The following DNM2 variants were observed in gnomAD, a reference collection of about 807,000 sequenced individuals.
DNM2 encodes dynamin-2.
DNM2 carries 15 observed loss-of-function variants against 99.0 expected under a neutral mutation model. That is an observed-to-expected ratio of 0.15 (90% confidence interval 0.10 to 0.23). DNM2 has a LOEUF of 0.23. Among genes scored for constraint, DNM2 ranks in the 10% least tolerant of loss-of-function variants. DNM2 has a pLI of 1.00. For synonymous variants in DNM2, 525 were observed against 481.2 expected (o/e 1.09, Z -1.19); for missense variants, 742 against 1,189.4 (o/e 0.62, Z 5.53).
chr19:10,776,438 G>A (rs569617831), intron 4 of DNM2, among the ~76,000 whole-genome samples: 1 of 152,144 alleles, frequency 6.6e-6, no homozygotes, highest in Non-Finnish European at 1.5e-5. Context: ...GGGGCCCCAG[G>A]GAGGGCACAG....
rs2146021269 is a variant in DNM2, at chr19:10,795,074, GC to G, written c.1129-295del. Among the ~76,000 whole-genome samples, 1 of 152,014 alleles carries G rather than the reference GC, an allele frequency of 6.6e-6. No homozygotes were observed. The highest frequency in any genetic ancestry group is 2.1e-4 in the South Asian group (1 of 4,806). ...TAGCTGGGACTATAGGCGTGCACCAGCCCACCTGGCCAATTTTTGTATTTTT... is the reference window on the plus strand; with the variant it reads ...TAGCTGGGACTATAGGCGTGCACCAGCCACCTGGCCAATTTTTGTATTTTT... On this transcript the variant is annotated intron_variant, in intron 8 of 20. Transcript: ENST00000389253. This position sits in a 1 kb window ranked among gnomAD's most constrained non-coding sequence, Gnocchi z 4.2.
intron 11 of DNM2, among the ~76,000 whole-genome samples, chr19:10,801,907 A>AG (rs2072158430): frequency 7.3e-6 from 1 of 137,478 alleles, no homozygotes; most frequent in African/African-American, 2.6e-5. Flanking sequence ...TCCGTCTCGA[A>AG]GAAAAAAAAA....
chr19:10,724,469 G>A (rs1157908141), intron 1 of DNM2, among the ~76,000 whole-genome samples: 3 of 152,160 alleles, frequency 2.0e-5, no homozygotes, highest in Non-Finnish European at 2.9e-5. Flanking sequence ...GAGCCACTGC[G>A]CCTGGCCAGA....
chr19:10,827,293 A>G (rs2073172318), intron 18 of DNM2, among the ~76,000 whole-genome samples: 1 of 152,198 alleles, frequency 6.6e-6, no homozygotes, highest in African/African-American at 2.4e-5. Flanking sequence ...GAACTTCTCT[A>G]AGAGAGACAA....
In DNM2 at chr19:10,795,948, A is replaced by G. The variant is rs993124397; in HGVS notation, c.1196+509A>G. On this transcript the variant is annotated intron_variant, in intron 9 of 20. Transcript: ENST00000389253. This position sits in a 1 kb window ranked among gnomAD's most constrained non-coding sequence, Gnocchi z 4.2. The stretch of plus-strand genomic sequence containing the variant: ...TGGACTCAGGCATCCGACCCCACAC[A>G]TGACACAACCTTCATTCCTTGTTGG... The G allele has an allele frequency of 3.7e-5, 58 of 1,574,558 alleles. No homozygotes were observed. Among genetic ancestry groups the G allele is most frequent in the East Asian group, 1.1e-4 (5 of 44,696 alleles).
intron 1 of DNM2, among the ~76,000 whole-genome samples, chr19:10,753,663 T>C (rs1391773244): frequency 6.6e-6 from 1 of 150,536 alleles, no homozygotes; most frequent in East Asian, 1.9e-4. Flanking sequence ...TTTTGTTTTG[T>C]TTTTTTCCCC....
intron 9 of DNM2, among the ~76,000 whole-genome samples, 159 bp from the exon 10 acceptor site, chr19:10,797,221 G>A (rs569547800): frequency 2.6e-4 from 39 of 152,066 alleles, no homozygotes; most frequent in Middle Eastern, 3.4e-3. Flanking sequence ...TCTTTGATCC[G>A]AAGCAGCTTC....
rs1294176965 is a variant in DNM2, at chr19:10,819,030, C to T, written c.1672-950C>T. On this transcript the variant is annotated intron_variant, in intron 15 of 20. Coordinates refer to ENST00000389253, the MANE Select transcript of DNM2 (RefSeq NM_001005361.3). ...ACCCCCAGCTCCGTGACTCGCCAGC[C>T]CCTTGCCCCTGGCCGAGGGGCCCAC... is the stretch of plus-strand genomic sequence containing the variant. Among the ~76,000 whole-genome samples, 7 of 152,134 alleles carry T rather than the reference C, an allele frequency of 4.6e-5. No homozygotes were observed. In the East Asian group the frequency reaches 1.4e-3, roughly 29 times the overall value.
intron 7 of DNM2, among the ~76,000 whole-genome samples, chr19:10,788,549 C>G (rs777157849): frequency 6.6e-6 from 1 of 152,132 alleles, no homozygotes; most frequent in Non-Finnish European, 1.5e-5. Context: ...GCTCCCTAGC[C>G]GTGGTGGGAG....
rs184310103 is a variant in DNM2 at position 10,812,257 on chromosome 19, C to T, written c.1558-7C>T. 1.3e-6 allele frequency: 2 copies of T among 1,589,066 alleles called. No homozygotes were observed. The highest frequency in any genetic ancestry group is 1.3e-5 in the African/African-American group (1 of 74,486). On this transcript the variant is annotated splice_region_variant and splice_polypyrimidine_tract_variant and intron_variant, in intron 14 of 20. Coordinates refer to ENST00000389253, the MANE Select transcript of DNM2 (RefSeq NM_001005361.3). This position sits in a 1 kb window ranked among gnomAD's most constrained non-coding sequence, Gnocchi z 4.0. ...GGTTCCCTGCTAAGCTGCGCGCTTT[C>T]CCCCAGGTGATCCGCAGGGGCTGGC...
At chr19:10,813,341 G>T (rs2072621344) in intron 15 of DNM2, among the ~76,000 whole-genome samples, 2 of 152,226 alleles carry the variant, frequency 1.3e-5, no homozygotes, top group Admixed American at 1.3e-4. Context: ...TGCTGACCCA[G>T]CATCCCTCCT....
At chr19:10,828,145 C>T (rs550752200) in intron 18 of DNM2, among the ~76,000 whole-genome samples, 3 of 151,586 alleles carry the variant, frequency 2.0e-5, no homozygotes, top group Admixed American at 1.3e-4. Context: ...AAAAATTAGC[C>T]GGGGGTTGGG....
chr19:10,732,917 C>G (rs1462164256), intron 1 of DNM2, among the ~76,000 whole-genome samples: 1 of 151,612 alleles, frequency 6.6e-6, no homozygotes, highest in Non-Finnish European at 1.5e-5. Flanking sequence ...AAGTCTCGCT[C>G]TTGTTCCCCA....
intron 1 of DNM2, among the ~76,000 whole-genome samples, chr19:10,726,341 G>C (rs956225892): frequency 2.6e-5 from 4 of 152,054 alleles, no homozygotes; most frequent in Admixed American, 2.0e-4. Context: ...AATTACAGGT[G>C]TGAGCCGCCG....
chr19:10,801,082 G>A (rs1424121811), intron 11 of DNM2, among the ~76,000 whole-genome samples: 1 of 152,192 alleles, frequency 6.6e-6, no homozygotes, highest in African/African-American at 2.4e-5. Context: ...AAGGCAGGTG[G>A]ATTGCCTGAG....
intron 1 of DNM2, among the ~76,000 whole-genome samples, chr19:10,745,291 A>G (rs2069924832): frequency 6.6e-6 from 1 of 152,172 alleles, no homozygotes. Context: ...CATTTAGGTC[A>G]TTATCGGTTT....
rs574506599 is a variant in DNM2, at chr19:10,730,102, G to A, written c.161+11699G>A. On this transcript the variant is annotated intron_variant, in intron 1 of 20. Coordinates refer to ENST00000389253, the MANE Select transcript of DNM2 (RefSeq NM_001005361.3). ...TGGTCTCAAACTCCTGGGCTCATGC[G>A]ATCCTTTCACGTTGGCCCCCCAAAG... is the stretch of plus-strand genomic sequence containing the variant. Among the ~76,000 whole-genome samples the A allele has an allele frequency of 3.9e-5, 6 of 152,150 alleles. No homozygotes were observed. The South Asian group carries it at 6.2e-4, about 16-fold the overall frequency.
chr19:10,777,585 C>T (rs2071196571), intron 5 of DNM2, among the ~76,000 whole-genome samples: 1 of 151,066 alleles, frequency 6.6e-6, no homozygotes, highest in South Asian at 2.1e-4. Context: ...CCTTCCCTTC[C>T]CTTTTCCTTT....
chr19:10,745,188 GT>G (rs2069920174), intron 1 of DNM2, among the ~76,000 whole-genome samples: 1 of 152,150 alleles, frequency 6.6e-6, no homozygotes, highest in Non-Finnish European at 1.5e-5. Context: ...GCATAATCCA[GT>G]CCGTGCATCG....
Sources: allele counts gnomAD v4.1 joint callset (sites outside exome capture counted in the v4.1 genomes callset), GRCh38; gene constraint gnomAD v4.1.1; non-coding constraint Gnocchi (gnomAD v3.1); transcripts MANE v1.5; gene names NCBI Gene and HGNC (gene_info 2026-07-23, HGNC 2026-07-21).